PRR16: variants seen among roughly 807,000 people sequenced by gnomAD.
PRR16 encodes protein Largen.
Under a neutral mutation model 18.2 loss-of-function variants are expected in PRR16, and 6 were observed. The ratio of observed to expected loss-of-function variants is 0.33; its 90% confidence interval spans 0.18 to 0.65. PRR16 has a LOEUF of 0.65. PRR16 is among the 30% of genes least tolerant of loss of function. The pLI is 0.74. For missense variants in PRR16, 412 were observed against 376.6 expected (o/e 1.09, Z -0.78); for synonymous variants, 151 against 147.8 (o/e 1.02, Z -0.16).
chr5:120,605,887 G>T (rs1240656313), intron 1 of PRR16, among the ~76,000 whole-genome samples: 1 of 152,148 alleles, frequency 6.6e-6, no homozygotes, highest in African/African-American at 2.4e-5. Flanking sequence ...CCTGCACTTA[G>T]TAGGGGGCCA....
intron 1 of PRR16, among the ~76,000 whole-genome samples, chr5:120,501,942 C>A (rs1164678932): frequency 3.6e-5 from 4 of 112,352 alleles, no homozygotes; most frequent in Admixed American, 1.3e-4. Context: ...GGCGACAGAG[C>A]GATACTCCGT....
chr5:120,754,498 T>TATATA, the PRR16 span, among the ~76,000 whole-genome samples: 1 of 61,284 alleles, frequency 1.6e-5, no homozygotes, highest in Non-Finnish European at 2.8e-5. Context: ...TAGTATGTAT[T>TATATA]TTATTATGTA....
chr5:120,666,094 G>T (rs1033465005), intron 1 of PRR16, among the ~76,000 whole-genome samples: 40 of 152,134 alleles, frequency 2.6e-4, no homozygotes, highest in Non-Finnish European at 2.9e-5. Flanking sequence ...CCATGAGCAT[G>T]GAATGTTCTT....
chr5:120,554,325 C>G (rs1391105789), intron 1 of PRR16, among the ~76,000 whole-genome samples: 2 of 151,810 alleles, frequency 1.3e-5, no homozygotes, highest in Admixed American at 6.6e-5. Context: ...GGGCAGAAAT[C>G]ATGAACACAT....
At chr5:120,731,034 G>A in the PRR16 span, among the ~76,000 whole-genome samples, 6 of 152,104 alleles carry the variant, frequency 3.9e-5, no homozygotes, top group Non-Finnish European at 8.8e-5. Context: ...GAACAGGATT[G>A]TCTTAAATAT....
chr5:120,730,647 A>G, the PRR16 span, among the ~76,000 whole-genome samples: 1 of 152,186 alleles, frequency 6.6e-6, no homozygotes, highest in Non-Finnish European at 1.5e-5. Context: ...TGTAAAAAAG[A>G]AAACTGAGAT....
intron 1 of PRR16, among the ~76,000 whole-genome samples, chr5:120,466,635 T>G (rs1277971630): frequency 6.6e-6 from 1 of 152,172 alleles, no homozygotes; most frequent in African/African-American, 2.4e-5. Flanking sequence ...ATCACAAAAA[T>G]GTAAGTCAGG....
At chr5:120,564,418 A>G (rs1029612329) in intron 1 of PRR16, among the ~76,000 whole-genome samples, 4 of 151,472 alleles carry the variant, frequency 2.6e-5, no homozygotes, top group East Asian at 3.9e-4. Context: ...TTCCCGTGAA[A>G]CTCCGACCTT....
rs111816687 is a variant in PRR16, at chr5:120,564,751, C to G, written c.159+100106C>G. Among the ~76,000 whole-genome samples, 557 of 152,226 alleles carry G rather than the reference C, an allele frequency of 3.7e-3. 5 individuals are homozygous for G. Among genetic ancestry groups the G allele is most frequent in the African/African-American group, 0.013 (534 of 41,542 alleles). ...CCTGTAATCCCAGCCCTCTGGGAGG[C>G]TGAGTTGGGCGGATCACGAGGTCAG... On this transcript the variant is annotated intron_variant, in intron 1 of 1. Coordinates refer to ENST00000407149, the MANE Select transcript of PRR16 (RefSeq NM_001300783.2).
chr5:120,783,038 T>C, the PRR16 span, among the ~76,000 whole-genome samples: 3 of 152,172 alleles, frequency 2.0e-5, no homozygotes. Context: ...CTGGTGGATG[T>C]ACAGATTCCT....
At chr5:120,577,732 A>T (rs934997508) in intron 1 of PRR16, among the ~76,000 whole-genome samples, 3 of 152,232 alleles carry the variant, frequency 2.0e-5, no homozygotes, top group Non-Finnish European at 2.9e-5. Context: ...AATATTACAT[A>T]GTAACAGATC....
chr5:120,777,039 A>G, the PRR16 span, among the ~76,000 whole-genome samples: 1 of 152,034 alleles, frequency 6.6e-6, no homozygotes, highest in Non-Finnish European at 1.5e-5. Flanking sequence ...AAATTAAAAC[A>G]ACAACAACAA....
chr5:120,510,948 G>C (rs888469091), intron 1 of PRR16, among the ~76,000 whole-genome samples: 2 of 152,122 alleles, frequency 1.3e-5, no homozygotes, highest in Non-Finnish European at 2.9e-5. Flanking sequence ...ATGTGGATGA[G>C]AGTACAGGAC....
chr5:120,467,078 C>T (rs72786237), intron 1 of PRR16, among the ~76,000 whole-genome samples: 15,715 of 152,088 alleles, frequency 0.1, 992 homozygotes, highest in South Asian at 0.17. Flanking sequence ...TTAGGATAAT[C>T]CTGCATATGT....
At chr5:120,575,255 A>G (rs929286598) in intron 1 of PRR16, among the ~76,000 whole-genome samples, 1 of 151,764 alleles carries the variant, frequency 6.6e-6, no homozygotes, top group African/African-American at 2.4e-5. Context: ...AATAATGTTT[A>G]TAGTAGGATT....
chr5:120,568,433 G>A (rs371759210), intron 1 of PRR16, among the ~76,000 whole-genome samples: 3 of 152,206 alleles, frequency 2.0e-5, no homozygotes, highest in African/African-American at 7.2e-5. Flanking sequence ...ATATTTATGG[G>A]AAAGATCTTT....
the PRR16 span, among the ~76,000 whole-genome samples, chr5:120,753,651 A>G: frequency 6.6e-6 from 1 of 150,962 alleles, no homozygotes; most frequent in Non-Finnish European, 1.5e-5. Flanking sequence ...GAAACATTTT[A>G]GTTCTTACTA....
intron 1 of PRR16, among the ~76,000 whole-genome samples, chr5:120,498,309 T>C (rs937537173): frequency 6.7e-6 from 1 of 148,992 alleles, no homozygotes; most frequent in Admixed American, 6.7e-5. Context: ...AAAATACCTA[T>C]GTTATATATA....
chr5:120,682,972 A>T (rs758622777), intron 1 of PRR16, among the ~76,000 whole-genome samples: 2 of 152,186 alleles, frequency 1.3e-5, no homozygotes, highest in African/African-American at 2.4e-5. Context: ...AATTTTAAGG[A>T]TGTGTCAGAG....
Sources: gnomAD v4.1 joint callset for allele counts (sites outside exome capture counted in the v4.1 genomes callset) on GRCh38, gnomAD v4.1.1 for gene constraint, MANE v1.5 for transcripts, NCBI Gene and HGNC (gene_info 2026-07-23, HGNC 2026-07-21) for gene names.